BTAF1: variants seen among roughly 807,000 people sequenced by gnomAD.
BTAF1 encodes TATA-binding protein-associated factor 172.
BTAF1 carries 38 observed loss-of-function variants against 227.1 expected under a neutral mutation model. That is an observed-to-expected ratio of 0.17 (90% CI 0.13 to 0.22). The LOEUF (loss-of-function observed/expected upper bound fraction) is 0.22. Among genes scored for constraint, BTAF1 ranks in the 10% least tolerant of loss-of-function variants. The pLI, the probability that BTAF1 is intolerant of heterozygous loss-of-function variation, is 1.00. For synonymous variants in BTAF1, 742 were observed against 751.9 expected (o/e 0.99, Z 0.21); for missense variants, 1,598 against 2,204.0 (o/e 0.73, Z 5.51).
chr10:91,967,535 C>G (rs191685670), intron 14 of BTAF1, among the ~76,000 whole-genome samples: 7 of 152,296 alleles, frequency 4.6e-5, no homozygotes, highest in African/African-American at 1.7e-4. Context: ...ACTGGATTCT[C>G]ATGTGAATTA....
intron 30 of BTAF1, 92 bp downstream of exon 30, chr10:92,011,507 TAAA>T: frequency 1.9e-6 from 1 of 522,014 alleles, no homozygotes; most frequent in Non-Finnish European, 2.8e-6. Context: ...GGCGGTGAAT[TAAA>T]GAAGATTTTT....
At chr10:91,946,845 C>CTT (rs199630530) in intron 4 of BTAF1, among the ~76,000 whole-genome samples, 3 of 144,174 alleles carry the variant, frequency 2.1e-5, no homozygotes, top group Non-Finnish European at 3.1e-5. Context: ...TTTTTCTTTT[C>CTT]TTTTTTTTTT....
rs141838504 is a variant in BTAF1 at position 91,960,899 on chromosome 10, T to C, written c.1263+745T>C. Among the ~76,000 whole-genome samples, 182 of 152,332 alleles carry C rather than the reference T, an allele frequency of 1.2e-3. 1 individual carries two copies. Among genetic ancestry groups the C allele is most frequent in the African/African-American group, 4.2e-3 (173 of 41,576 alleles). On this transcript the variant is annotated intron_variant, in intron 11 of 37. Transcript: ENST00000265990. ...GATATATTCTGGCTAGGACTTCAGT[T>C]CTTAGATTGGCCCACAAAAGCCTAT...
rs1487080836 is a variant in BTAF1 at position 91,951,434 on chromosome 10, C to T, written c.432C>T (p.Arg144=). ...TGGATCCTAAAGAGAGGATAGCACG[C>T]CAACGAAAATTATTACAGAAGAAAC... ...GEVDPKERIA[R]QRKLLQKKLG... is the part of the protein sequence containing the mutation. The change falls in exon 5 of 38, where the codon CGC becomes CGT. Residue 144 remains arginine, a synonymous_variant. Coordinates refer to ENST00000265990, the MANE Select transcript of BTAF1 (RefSeq NM_003972.3). 1.9e-6 allele frequency: 3 copies of T among 1,611,646 alleles called. No individual in the cohort carries two copies. Among genetic ancestry groups the T allele is most frequent in the Admixed American group, 3.4e-5 (2 of 59,620 alleles).
chr10:92,014,756 A>G (rs1388113588), intron 32 of BTAF1, among the ~76,000 whole-genome samples: 2 of 152,168 alleles, frequency 1.3e-5, no homozygotes. Context: ...GTGCAGTGCT[A>G]ATGGCTTGGG....
chr10:91,933,321 A>G (rs1317898211), intron 1 of BTAF1, among the ~76,000 whole-genome samples: 1 of 152,180 alleles, frequency 6.6e-6, no homozygotes, highest in Non-Finnish European at 1.5e-5. Context: ...ACAGGATGAC[A>G]AGGCAGTTGG....
In BTAF1 at chr10:91,993,836, T is replaced by G; in HGVS notation, c.3188T>G (p.Ile1063Arg). 1 of 1,592,324 alleles carries G rather than the reference T, an allele frequency of 6.3e-7. No homozygotes were observed. Among genetic ancestry groups the G allele is most frequent in the Non-Finnish European group, 8.6e-7 (1 of 1,168,560 alleles). Residue 1063 changes from isoleucine to arginine, a missense_variant, in exon 22 of 38, where the codon ATA becomes AGA. Around this residue, in one of 10 missense-constraint regions of BTAF1, gnomAD observed 425 missense variants for 491.2 expected, o/e 0.87. Transcript: ENST00000265990. ...GGCCCATTGAGGAATACAATCGACA[T>G]AAATAATTTTGGTATACACATATTT... ...MVGPLRNTID[I>R]NNFDGKSLLD...
intron 25 of BTAF1, among the ~76,000 whole-genome samples, chr10:92,000,646 C>T (rs1373314750): frequency 6.6e-6 from 1 of 152,120 alleles, no homozygotes; most frequent in East Asian, 1.9e-4. Context: ...CAACCTTTGC[C>T]TCCTGGGTTC....
At chr10:91,993,225 G>T (rs984793008) in intron 21 of BTAF1, among the ~76,000 whole-genome samples, 1 of 151,894 alleles carries the variant, frequency 6.6e-6, no homozygotes, top group Non-Finnish European at 1.5e-5. Flanking sequence ...ATATCTTTTT[G>T]GGGGGACAGA....
At chr10:91,959,747 T>TG (rs768403526) in intron 9 of BTAF1, 38 bp from the exon 10 acceptor site, 1 of 83,854 alleles carries the variant, frequency 1.2e-5, no homozygotes, top group Non-Finnish European at 1.7e-5. Context: ...TGTGTATATA[T>TG]ATATATATAT....
Position 91,939,971 on chromosome 10 carries a change from G to A in BTAF1, c.158G>A (p.Ser53Asn), listed in dbSNP as rs1844881877. The A allele has an allele frequency of 1.2e-6, 2 of 1,611,916 alleles. No individual in the cohort carries two copies. The highest frequency in any genetic ancestry group is 1.7e-6 in the Non-Finnish European group (2 of 1,178,452). Residue 53 changes from serine (S) to asparagine (N), a missense_variant, in exon 3 of 38, where the codon AGT (serine) becomes AAT (asparagine). By Grantham distance (46) the Ser-to-Asn change is conservative. This residue lies in a region of BTAF1 where 298 missense variants were observed against 395.2 expected (regional missense o/e 0.75). Transcript: ENST00000265990. ...TTTAAGGTGTTGATATATTTAAGGA[G>A]TGCAAATTGGGATACCCGGATTGCA... ...LLSKVLIYLR[S>N]ANWDTRIAAG...
intron 25 of BTAF1, among the ~76,000 whole-genome samples, chr10:92,006,046 A>T (rs931263052): frequency 6.6e-6 from 1 of 151,808 alleles, no homozygotes; most frequent in Non-Finnish European, 1.5e-5. Flanking sequence ...GCTATTTTTT[A>T]AAATTTTTTG....
At chr10:92,027,791 C>T (rs181331530) in intron 37 of BTAF1, among the ~76,000 whole-genome samples, 5 of 152,180 alleles carry the variant, frequency 3.3e-5, no homozygotes, top group African/African-American at 1.2e-4. Flanking sequence ...AATCTATAAT[C>T]AAAAGGATGC....
In BTAF1 at chr10:91,923,918, G is replaced by T; in HGVS notation, c.-159G>T. 1.4e-5 allele frequency: 12 copies of T among 857,904 alleles called. No homozygotes were observed. The South Asian group carries it at 1.8e-4, about 13-fold the overall frequency. The allele number at this position is 857,904 out of a possible 1,614,324, so 53.1% of individuals were successfully genotyped here. ...GGGGACGAGCTCGGGTAGGCGGCAG[G>T]GCAGATGCCCGAGGGCCTGCGCTGG... On this transcript the variant is annotated 5_prime_UTR_variant, in exon 1 of 38. Transcript: ENST00000265990.
At chr10:91,956,507 A>C in intron 6 of BTAF1, 21 bp from the exon 7 acceptor site, 14 of 1,587,064 alleles carry the variant, frequency 8.8e-6, no homozygotes, top group Admixed American at 1.9e-5. Context: ...CATTTTCTAA[A>C]TGGTGACTTT....
intron 14 of BTAF1, among the ~76,000 whole-genome samples, chr10:91,968,931 GCTTA>G (rs1277767120): frequency 2.0e-5 from 3 of 151,516 alleles, no homozygotes; most frequent in African/African-American, 7.3e-5. Flanking sequence ...TGTGATCATA[GCTTA>G]CTGCAATCCT....
chr10:91,924,429 C>G (rs1369886212), intron 1 of BTAF1, among the ~76,000 whole-genome samples: 1 of 152,300 alleles, frequency 6.6e-6, no homozygotes, highest in Middle Eastern at 3.4e-3. Flanking sequence ...AGGCTGGTCC[C>G]TAACCTCCAT....
rs917728000 is a variant in BTAF1, at chr10:91,966,855, C to T, written c.1650+98C>T. 36 of 1,197,832 alleles carry T rather than the reference C, an allele frequency of 3.0e-5. No homozygotes were observed. In the Admixed American group the frequency reaches 5.9e-4, roughly 20 times the overall value. The allele number at this position is 1,197,832 out of a possible 1,614,324, so 74.2% of individuals were successfully genotyped here. ...TTACCCTTGCTGTATATCCAAAGATCAGGACAATGTTGGGCCTAGTGGTAT... is the reference window on the plus strand; with the variant it reads ...TTACCCTTGCTGTATATCCAAAGATTAGGACAATGTTGGGCCTAGTGGTAT... On this transcript the variant is annotated intron_variant, in intron 14 of 37. Coordinates refer to ENST00000265990, the MANE Select transcript of BTAF1 (RefSeq NM_003972.3).
intron 36 of BTAF1, 41 bp downstream of exon 36, chr10:92,026,792 GA>G: frequency 6.3e-7 from 1 of 1,580,468 alleles, no homozygotes; most frequent in Non-Finnish European, 8.6e-7. Flanking sequence ...ACCTGTGCAT[GA>G]AAATATACTC....
Sources: gnomAD v4.1 joint callset for allele counts (sites outside exome capture counted in the v4.1 genomes callset) on GRCh38, gnomAD v4.1.1 for gene constraint, gnomAD v4.1.1 regional missense constraint, MANE v1.5 for transcripts, NCBI Gene and HGNC (gene_info 2026-07-23, HGNC 2026-07-21) for gene names.